CSMD2: variants seen among roughly 807,000 people sequenced by gnomAD.
CSMD2 encodes CUB and sushi domain-containing protein 2.
CSMD2 carries 130 observed loss-of-function variants against 398.5 expected under a neutral mutation model. That is an observed-to-expected ratio of 0.33 (90% CI 0.28 to 0.38). The LOEUF (loss-of-function observed/expected upper bound fraction) is 0.38, where lower values mean the gene tolerates loss of function less well. Among genes scored for constraint, CSMD2 ranks in the 10% least tolerant of loss-of-function variants. The pLI, the probability that CSMD2 is intolerant of heterozygous loss-of-function variation, is 1.00. For missense variants in CSMD2, 3,829 were observed against 4,764.9 expected, an observed-to-expected ratio of 0.80 and a Z score of 5.78; for synonymous variants, 1,828 against 1,908.5, an observed-to-expected ratio of 0.96 and a Z score of 1.10.
At position 33,635,255 on chromosome 1, in the gene CSMD2, C is replaced by T; in HGVS notation, c.5045G>A (p.Gly1682Glu). 6.2e-7 allele frequency: 1 copy of T among 1,613,612 alleles called. No homozygotes were observed. Among genetic ancestry groups the T allele is most frequent in the South Asian group, 1.1e-5 (1 of 91,060 alleles). Reference protein sequence around the residue: ...SPNYPQNYTSGQICLYFVTVP... With the variant: ...SPNYPQNYTSEQICLYFVTVP... ...AGTAACAAAATACAAGCAGATCTGT[C>T]CACTGGTGTAGTTCTGGGGGTAGTT... The change falls in exon 31 of 71, where the codon GGA (glycine) becomes GAA (glutamate). Residue 1682 changes from glycine to glutamate, a missense_variant. Gly to Glu is a moderately conservative substitution (Grantham distance 98). Coordinates refer to ENST00000373381, the MANE Select transcript of CSMD2 (RefSeq NM_001281956.2). The surrounding 1 kb of genome is among the most constrained non-coding windows in gnomAD (Gnocchi z 5.0).
Position 33,635,324 on chromosome 1 carries a change from CAG to C in CSMD2, c.4974_4975del (p.Cys1659TrpfsTer89). ...GTCCGAACCCACATACTGTCCCCCA[CAG>C]GGGGCTGAAAGAGAAACCAGATAGA... On this transcript the variant is annotated frameshift_variant, in exon 31 of 71. Coordinates refer to ENST00000373381, the MANE Select transcript of CSMD2 (RefSeq NM_001281956.2). LOFTEE classifies it high-confidence loss of function. The surrounding 1 kb of genome is among the most constrained non-coding windows in gnomAD (Gnocchi z 5.0). The C allele has an allele frequency of 6.3e-7, 1 of 1,598,070 alleles. No individual in the cohort carries two copies. Among genetic ancestry groups the C allele is most frequent in the Non-Finnish European group, 8.6e-7 (1 of 1,166,020 alleles).
chr1:33,907,753 G>GT (rs1020803398), intron 5 of CSMD2, among the ~76,000 whole-genome samples: 5 of 152,272 alleles, frequency 3.3e-5, no homozygotes, highest in Non-Finnish European at 5.9e-5. Context: ...GTCATTGCTA[G>GT]TTTTTTGTGT....
At chr1:34,045,654 G>T (rs1652435315) in intron 2 of CSMD2, among the ~76,000 whole-genome samples, 1 of 152,184 alleles carries the variant, frequency 6.6e-6, no homozygotes, top group Admixed American at 6.5e-5. Context: ...ACACTTTCTA[G>T]GATGTGGACT....
chr1:33,638,541 C>A (rs1013604906), intron 29 of CSMD2, among the ~76,000 whole-genome samples: 43 of 152,230 alleles, frequency 2.8e-4, no homozygotes, highest in African/African-American at 9.9e-4. Context: ...CTTGTGTAAA[C>A]ACGAGTTAGA....
At chr1:34,150,075 C>CTT (rs201785327) in intron 1 of CSMD2, among the ~76,000 whole-genome samples, 1,394 of 119,402 alleles carry the variant, frequency 0.012, 75 homozygotes, top group African/African-American at 0.03. Flanking sequence ...CATTTTTCTT[C>CTT]TTTCTTTTTT....
intron 1 of CSMD2, among the ~76,000 whole-genome samples, chr1:34,127,297 A>C (rs1046793244): frequency 2.6e-5 from 4 of 152,212 alleles, no homozygotes; most frequent in African/African-American, 9.6e-5. Flanking sequence ...GCCAGAGAGG[A>C]GTTCAGGGCC....
chr1:34,116,212 G>A (rs976602211), intron 1 of CSMD2, among the ~76,000 whole-genome samples: 4 of 151,966 alleles, frequency 2.6e-5, no homozygotes, highest in African/African-American at 7.2e-5. Flanking sequence ...CAAGAGACTC[G>A]TTTTAGACAT....
intron 13 of CSMD2, among the ~76,000 whole-genome samples, chr1:33,754,580 ATC>A (rs1189224891): frequency 6.6e-6 from 1 of 152,226 alleles, no homozygotes; most frequent in African/African-American, 2.4e-5. Flanking sequence ...CATAGGAAAT[ATC>A]TGAGTTCAAT....
intron 3 of CSMD2, among the ~76,000 whole-genome samples, chr1:33,972,603 C>T (rs544494312): frequency 1.5e-4 from 23 of 152,122 alleles, no homozygotes; most frequent in Admixed American, 1.3e-4. Context: ...ATCAGAGTGA[C>T]GGGAGGACGG....
At chr1:34,016,415 G>A (rs1334921194) in intron 3 of CSMD2, among the ~76,000 whole-genome samples, 2 of 151,772 alleles carry the variant, frequency 1.3e-5, no homozygotes, top group Admixed American at 1.3e-4. Flanking sequence ...TTGGTTTTCT[G>A]TTCCTCTGTT....
At position 33,795,408 on chromosome 1, in the gene CSMD2, C is replaced by T. The variant is rs551704800; in HGVS notation, c.1447-2882G>A. On this transcript the variant is annotated intron_variant, in intron 10 of 70. Coordinates refer to ENST00000373381, the MANE Select transcript of CSMD2 (RefSeq NM_001281956.2). ...CACTCCACACTCCTGCTTTACAGAA[C>T]ATTTCCTGGAGTCTCATTTCCTAGC... Among the ~76,000 whole-genome samples, 4 of 152,302 alleles carry T rather than the reference C, an allele frequency of 2.6e-5. No individual in the cohort carries two copies. The East Asian group carries it at 7.7e-4, about 29-fold the overall frequency.
chr1:33,922,111 C>A lies in CSMD2; in HGVS notation c.713-3810G>T, dbSNP rs149400034. 4.0e-3 allele frequency among the ~76,000 whole-genome samples: 614 copies of A among 152,198 alleles called. 4 individuals are homozygous for A. The highest frequency in any genetic ancestry group is 0.014 in the African/African-American group (584 of 41,518). ...GTGACGGCCCTTCCTCCCTGCTCTT[C>A]CCCACTCCCATGCTGAGTGTGAGAT... On this transcript the variant is annotated intron_variant, in intron 4 of 70. Coordinates refer to ENST00000373381, the MANE Select transcript of CSMD2 (RefSeq NM_001281956.2).
At chr1:33,708,241 A>G (rs574557793) in intron 22 of CSMD2, among the ~76,000 whole-genome samples, 19 of 152,184 alleles carry the variant, frequency 1.2e-4, no homozygotes, top group African/African-American at 4.6e-4. Flanking sequence ...TATGTCTCAA[A>G]CTCACTTTCT....
chr1:34,092,751 G>A (rs1319870875), intron 1 of CSMD2, among the ~76,000 whole-genome samples: 3 of 152,352 alleles, frequency 2.0e-5, no homozygotes, highest in South Asian at 2.1e-4. Context: ...CTGGCTCGGA[G>A]GGTCCTACCC....
chr1:34,102,751 C>T (rs1376573417), intron 1 of CSMD2, among the ~76,000 whole-genome samples: 1 of 152,178 alleles, frequency 6.6e-6, no homozygotes, highest in Admixed American at 6.5e-5. Flanking sequence ...TCCCCAGTAG[C>T]CATGGGACCC....
intron 6 of CSMD2, among the ~76,000 whole-genome samples, chr1:33,830,550 A>G (rs974227320): frequency 2.0e-5 from 3 of 152,172 alleles, no homozygotes; most frequent in African/African-American, 7.2e-5. Flanking sequence ...ATAAAACCAC[A>G]AAGATGGGGA....
At chr1:34,079,859 AG>A (rs1284060895) in intron 2 of CSMD2, among the ~76,000 whole-genome samples, 1 of 152,174 alleles carries the variant, frequency 6.6e-6, no homozygotes, top group Non-Finnish European at 1.5e-5. Context: ...GACGCTTAAA[AG>A]TAATAGAAAG....
chr1:33,898,785 G>A (rs10914809), intron 5 of CSMD2, among the ~76,000 whole-genome samples: 13,626 of 152,172 alleles, frequency 0.09, 2,059 homozygotes, highest in African/African-American at 0.31. Context: ...GAAGGAAACC[G>A]CTGGTGGAAA....
chr1:33,953,749 C>G (rs1645078057), intron 3 of CSMD2, among the ~76,000 whole-genome samples: 1 of 152,194 alleles, frequency 6.6e-6, no homozygotes, highest in African/African-American at 2.4e-5. Flanking sequence ...CTTAAAATGT[C>G]CCTGCCAGAA....
Sources: gnomAD v4.1 joint callset for allele counts (sites outside exome capture counted in the v4.1 genomes callset) on GRCh38, gnomAD v4.1.1 for gene constraint, Gnocchi (gnomAD v3.1) non-coding constraint, MANE v1.5 for transcripts, NCBI Gene and HGNC (gene_info 2026-07-23, HGNC 2026-07-21) for gene names.